The following FBXO41 variants were observed in gnomAD, a reference collection of about 807,000 sequenced individuals.
FBXO41 encodes F-box only protein 41.
In FBXO41, 33 loss-of-function variants were observed where a neutral mutation model predicts 81.6. That is an observed-to-expected ratio of 0.40 (90% CI 0.31 to 0.54). The LOEUF is 0.54. FBXO41 is among the 20% of genes least tolerant of loss of function. FBXO41 has a pLI of 0.39. For synonymous variants in FBXO41, 576 were observed against 552.7 expected (o/e 1.04, Z -0.59); for missense variants, 1,107 against 1,236.0 (o/e 0.90, Z 1.56).
Position 73,269,645 on chromosome 2 carries a change from C to A in FBXO41, c.-15G>T. On this transcript the variant is annotated 5_prime_UTR_variant, in exon 2 of 13. Transcript: ENST00000520530. The surrounding 1 kb of genome is among the most constrained non-coding windows in gnomAD (Gnocchi z 7.0). ...AGCGAGGCCATGGCCCCGCCGCCCC[C>A]GCGGCACGCGGGCTCCACCGCGGCC... 8.5e-7 allele frequency: 1 copy of A among 1,174,650 alleles called. No individual in the cohort carries two copies. The highest frequency in any genetic ancestry group is 3.4e-5 in the South Asian group (1 of 29,444). The allele number at this position is 1,174,650 out of a possible 1,614,324, so 72.8% of individuals were successfully genotyped here. A position where few individuals can be genotyped will look rare whatever the true frequency, so the allele number is the denominator to read the frequency against.
chr2:73,268,624 C>T (rs1688365492), intron 2 of FBXO41, 102 bp downstream of exon 2: 2 of 1,182,874 alleles, frequency 1.7e-6, no homozygotes, highest in East Asian at 5.3e-5. Flanking sequence ...ATTACAAAGC[C>T]ATGGCCACAT....
chr2:73,280,494 G>T (rs184912698), intron 1 of FBXO41, among the ~76,000 whole-genome samples: 2 of 152,174 alleles, frequency 1.3e-5, no homozygotes, highest in Non-Finnish European at 2.9e-5. Flanking sequence ...CCTGAGCTCC[G>T]CCCACTCTAG....
At position 73,284,100 on chromosome 2, in the gene FBXO41, G is replaced by T. The variant is rs920944261; in HGVS notation, c.-139+60C>A. 4.6e-5 allele frequency: 7 copies of T among 152,476 alleles called. No homozygotes were observed. The highest frequency in any genetic ancestry group is 1.7e-4 in the African/African-American group (7 of 41,592). The allele number at this position is 152,476 out of a possible 1,614,324, so 9.4% of individuals were successfully genotyped here. A position where few individuals can be genotyped will look rare whatever the true frequency, so the allele number is the denominator to read the frequency against. ...AAGGGGAAGAAGGGACAGTGGCTGG[G>T]GTCCTCCCTCCTTCCCTCTCCGGGA... On this transcript the variant is annotated intron_variant, in intron 1 of 12. Transcript: ENST00000520530. The surrounding 1 kb of genome is among the most constrained non-coding windows in gnomAD (Gnocchi z 7.4).
Position 73,258,750 on chromosome 2 carries a change from G to A in FBXO41, c.*232C>T. The A allele has an allele frequency of 2.1e-6, 1 of 479,802 alleles. No homozygotes were observed. The highest frequency in any genetic ancestry group is 3.7e-6 in the Non-Finnish European group (1 of 273,738). 29.7% of individuals were successfully genotyped at this position (479,802 alleles called of 1,614,324 possible). ...GAGGCTACTCCAGCCGGGGTAGGGT[G>A]GGGGTCGGAGGGCAGCTTCTGTCCA... On this transcript the variant is annotated 3_prime_UTR_variant, in exon 13 of 13. Transcript: ENST00000520530.
chr2:73,264,310 C>A lies in FBXO41; in HGVS notation c.1774G>T (p.Val592Leu), dbSNP rs371994505. ...CAGACACGGGCATTCTCAAGCAGCACCCTTGTCCAGACTGCGGGGTGGCGG... is the reference window on the plus strand; with the variant it reads ...CAGACACGGGCATTCTCAAGCAGCAACCTTGTCCAGACTGCGGGGTGGCGG... The part of the protein sequence containing the change: ...VARHPAVWTR[V>L]LLENARVCSK... Residue 592 changes from valine (V) to leucine (L), a missense_variant, in exon 6 of 13, where the codon GTG (valine) becomes TTG (leucine). By Grantham distance (32) the Val-to-Leu change is conservative (BLOSUM62 1). Around this residue, in one of 2 missense-constraint regions of FBXO41, gnomAD observed 336 missense variants for 446.7 expected, o/e 0.75. Transcript: ENST00000520530. 4.3e-6 allele frequency: 7 copies of A among 1,613,502 alleles called. No homozygotes were observed. The African/African-American group carries it at 8.0e-5, about 18-fold the overall frequency.
intron 2 of FBXO41, among the ~76,000 whole-genome samples, chr2:73,267,334 C>A (rs1225825584): frequency 6.6e-6 from 1 of 152,182 alleles, no homozygotes; most frequent in African/African-American, 2.4e-5. Flanking sequence ...CTTGCAGGAA[C>A]CTTCAAAAAT....
intron 1 of FBXO41, among the ~76,000 whole-genome samples, chr2:73,276,477 C>T (rs1346615876): frequency 1.3e-5 from 2 of 150,888 alleles, no homozygotes; most frequent in Non-Finnish European, 2.9e-5. Context: ...TATTAAAACC[C>T]AAAATGTAGC....
chr2:73,263,362 C>A (rs748074940), intron 8 of FBXO41, 54 bp from the exon 9 acceptor site: 150 of 1,359,676 alleles, frequency 1.1e-4, no homozygotes, highest in Non-Finnish European at 1.4e-4. Flanking sequence ...TACTGGTAAT[C>A]CCAACACTTT....
In FBXO41 at chr2:73,260,278, C is replaced by T. The variant is rs1687959494; in HGVS notation, c.2449+111G>A. On this transcript the variant is annotated intron_variant, in intron 11 of 12. Coordinates refer to ENST00000520530, the MANE Select transcript of FBXO41 (RefSeq NM_001371389.2). The surrounding 1 kb of genome is among the most constrained non-coding windows in gnomAD (Gnocchi z 5.0). ...TCTTAACCTGTCCCCCTGCCTCTGC[C>T]CTTGGCTGGAGACTCTGATCCATCT... 3 of 1,407,438 alleles carry T rather than the reference C, an allele frequency of 2.1e-6. No individual in the cohort carries two copies. Among genetic ancestry groups the T allele is most frequent in the East Asian group, 2.5e-5 (1 of 39,978 alleles). The allele number at this position is 1,407,438 out of a possible 1,614,324, so 87.2% of individuals were successfully genotyped here.
chr2:73,265,243 T>C, intron 5 of FBXO41, 39 bp downstream of exon 5: 1 of 1,543,060 alleles, frequency 6.5e-7, no homozygotes, highest in Non-Finnish European at 8.7e-7. Flanking sequence ...ATTCACTGCC[T>C]CAGACCTGTG....
rs1472837964 is a variant in FBXO41, at chr2:73,268,689, G to A, written c.905+37C>T. The A allele has an allele frequency of 3.4e-6, 5 of 1,486,366 alleles. No individual in the cohort carries two copies. In the Admixed American group the frequency reaches 8.6e-5, roughly 25 times the overall value. 92.1% of individuals were successfully genotyped at this position (1,486,366 alleles called of 1,614,324 possible). On this transcript the variant is annotated intron_variant, in intron 2 of 12. Coordinates refer to ENST00000520530, the MANE Select transcript of FBXO41 (RefSeq NM_001371389.2). ...TGGTGGTGGCACAGTGACCCGCACA[G>A]GCACAACCACTCACAGGGCCCCGAG...
rs1687902193 is a variant in FBXO41 at position 73,258,706 on chromosome 2, C to G, written c.*276G>C. 2.3e-6 allele frequency: 1 copy of G among 431,040 alleles called. No homozygotes were observed. The highest frequency in any genetic ancestry group is 3.4e-5 in the East Asian group (1 of 29,628). The allele number at this position is 431,040 out of a possible 1,614,324, so 26.7% of individuals were successfully genotyped here. On this transcript the variant is annotated 3_prime_UTR_variant, in exon 13 of 13. Coordinates refer to ENST00000520530, the MANE Select transcript of FBXO41 (RefSeq NM_001371389.2). ...TGACACCAGGCGCTGGTGGTGACAG[C>G]TCCTCACTGGCTGTGCCAGAGGCTA...
intron 1 of FBXO41, among the ~76,000 whole-genome samples, chr2:73,273,645 T>G (rs1447039696): frequency 6.6e-6 from 1 of 152,202 alleles, no homozygotes; most frequent in African/African-American, 2.4e-5. Context: ...GCCTGGAGCC[T>G]CTTGTGGCCA....
intron 1 of FBXO41, chr2:73,271,623 T>TCCGC (rs71406818): frequency 9.3e-6 from 1 of 107,640 alleles, no homozygotes; most frequent in African/African-American, 3.6e-5. Flanking sequence ...AATTCTGCAC[T>TCCGC]CCCCCCCCCC....
chr2:73,266,646 C>G lies in FBXO41; in HGVS notation c.942G>C (p.Thr314=), dbSNP rs771915062. ...GCTTGGCGCTGGCCTCCCGCGCCGCCGTCTCCTTCAGGAACTGGTCGATCT... is the reference window on the plus strand; with the variant it reads ...GCTTGGCGCTGGCCTCCCGCGCCGCGGTCTCCTTCAGGAACTGGTCGATCT... ...VVQIDQFLKE[T]AAREASAKLR... The change falls in exon 3 of 13, where the codon ACG becomes ACC. Residue 314 remains threonine, a synonymous_variant. Transcript: ENST00000520530. The surrounding 1 kb of genome is among the most constrained non-coding windows in gnomAD (Gnocchi z 5.3). The G allele has an allele frequency of 1.0e-5, 16 of 1,603,538 alleles. No individual in the cohort carries two copies. Among genetic ancestry groups the G allele is most frequent in the African/African-American group, 1.3e-5 (1 of 74,712 alleles).
In FBXO41 at chr2:73,255,720, TAA is replaced by T. The variant is rs1485942424; in HGVS notation, c.*3260_*3261del. On this transcript the variant is annotated 3_prime_UTR_variant, in exon 13 of 13. Transcript: ENST00000520530. The stretch of plus-strand genomic sequence containing the variant: ...GACTCCCCACTGGTGGCCCCAAAGA[TAA>T]GAGACCAGGAGTGGGGAAATAGGCA... 1 of 152,526 alleles carries T rather than the reference TAA, an allele frequency of 6.6e-6. No individual in the cohort carries two copies. The highest frequency in any genetic ancestry group is 1.5e-5 in the Non-Finnish European group (1 of 68,048). 9.4% of individuals were successfully genotyped at this position (152,526 alleles called of 1,614,324 possible).
In FBXO41 at chr2:73,265,960, G is replaced by A. The variant is rs1160430780; in HGVS notation, c.1138C>T (p.His380Tyr). The A allele has an allele frequency of 1.9e-6, 3 of 1,572,090 alleles. No homozygotes were observed. Among genetic ancestry groups the A allele is most frequent in the African/African-American group, 1.3e-5 (1 of 74,108 alleles). The change falls in exon 4 of 13, where the codon CAC (histidine) becomes TAC (tyrosine). Residue 380 changes from histidine to tyrosine, a missense_variant. His to Tyr is a moderately conservative substitution (Grantham distance 83, BLOSUM62 2). Coordinates refer to ENST00000520530, the MANE Select transcript of FBXO41 (RefSeq NM_001371389.2). ...TTAGGCACGGCCGGGCCCACGTGGT[G>A]TTCTCGCTGTGGGCCCCCAGAGCAG... The part of the protein sequence containing the change: ...NARGPGRMRE[H>Y]HVGPAVPNTY...
rs1278201285 is a variant in FBXO41, at chr2:73,263,630, AC to A, written c.2075+47del. ...ATGCAGCACCTAGGGATCCGGTAGG[AC>A]CCTGGGCTTAGAGGGAACAGGCCAT... On this transcript the variant is annotated intron_variant, in intron 8 of 12. Transcript: ENST00000520530. 3 of 1,606,186 alleles carry A rather than the reference AC, an allele frequency of 1.9e-6. No homozygotes were observed. The African/African-American group carries it at 4.0e-5, about 22-fold the overall frequency.
intron 9 of FBXO41, 90 bp downstream of exon 9, chr2:73,263,123 G>T: frequency 1.0e-6 from 1 of 992,278 alleles, no homozygotes; most frequent in Non-Finnish European, 1.5e-6. Context: ...CTAATAGCTT[G>T]TGGAATGGGC....
Sources: gnomAD v4.1 joint callset for allele counts (sites outside exome capture counted in the v4.1 genomes callset) on GRCh38, gnomAD v4.1.1 for gene constraint, gnomAD v4.1.1 regional missense constraint, Gnocchi (gnomAD v3.1) non-coding constraint, MANE v1.5 for transcripts, NCBI Gene and HGNC (gene_info 2026-07-23, HGNC 2026-07-21) for gene names.